Variants in SEMA3A observed in about 807,000 individuals in gnomAD.
SEMA3A encodes semaphorin 3A.
Under a neutral mutation model 97.9 loss-of-function variants are expected in SEMA3A, and 29 were observed. The ratio of observed to expected loss-of-function variants is 0.30; its 90% CI spans 0.22 to 0.40. The LOEUF is 0.40. Among genes scored for constraint, SEMA3A ranks in the 10% least tolerant of loss-of-function variants. SEMA3A has a pLI of 1.00. For synonymous variants in SEMA3A, 321 were observed against 323.7 expected, an observed-to-expected ratio of 0.99 and a Z score of 0.09; for missense variants, 763 against 951.3, an observed-to-expected ratio of 0.80 and a Z score of 2.60.
At chr7:84,393,330 T>C (rs998609161) in intron 1 of SEMA3A, among the ~76,000 whole-genome samples, 2 of 152,088 alleles carry the variant, frequency 1.3e-5, no homozygotes, top group Admixed American at 1.3e-4. Flanking sequence ...CTTGGGAACT[T>C]TGTTGAAAAT....
chr7:84,144,185 G>A (rs1019387407), intron 1 of SEMA3A, among the ~76,000 whole-genome samples: 1 of 151,780 alleles, frequency 6.6e-6, no homozygotes, highest in Non-Finnish European at 1.5e-5. Context: ...ATAAAGTGAG[G>A]TGTGTTCACA....
At chr7:84,151,236 T>C (rs1289626013) in intron 1 of SEMA3A, among the ~76,000 whole-genome samples, 1 of 152,100 alleles carries the variant, frequency 6.6e-6, no homozygotes, top group East Asian at 1.9e-4. Flanking sequence ...CTAAGCTGGA[T>C]GGAGAATGAC....
At chr7:84,418,030 G>A (rs903882927) in intron 1 of SEMA3A, among the ~76,000 whole-genome samples, 8 of 152,040 alleles carry the variant, frequency 5.3e-5, no homozygotes, top group South Asian at 2.1e-4. Context: ...ATTAGGCGTC[G>A]CCTTGACTGG....
At chr7:84,055,228 C>T (rs1188641375) in intron 5 of SEMA3A, among the ~76,000 whole-genome samples, 1 of 152,200 alleles carries the variant, frequency 6.6e-6, no homozygotes. Context: ...GTGGTGGGCT[C>T]CACCCAGTTG....
At chr7:84,024,286 T>TGTAAG (rs1791458590) in intron 6 of SEMA3A, among the ~76,000 whole-genome samples, 1 of 152,110 alleles carries the variant, frequency 6.6e-6, no homozygotes, top group Non-Finnish European at 1.5e-5. Flanking sequence ...ACGCCTGTAA[T>TGTAAG]CCCGGCACCA....
chr7:84,328,649 A>G (rs1801831750), intron 2 of SEMA3A, among the ~76,000 whole-genome samples: 2 of 152,024 alleles, frequency 1.3e-5, no homozygotes, highest in South Asian at 2.1e-4. Context: ...CAGAATGAAA[A>G]TGTCTTTTAT....
intron 6 of SEMA3A, among the ~76,000 whole-genome samples, chr7:84,015,186 T>C (rs1331785801): frequency 1.3e-5 from 2 of 152,224 alleles, no homozygotes; most frequent in Non-Finnish European, 2.9e-5. Flanking sequence ...TTTATCTATC[T>C]AATCTTCCTT....
chr7:84,037,712 G>A (rs1244533965), intron 6 of SEMA3A, among the ~76,000 whole-genome samples: 5 of 151,782 alleles, frequency 3.3e-5, no homozygotes, highest in African/African-American at 1.2e-4. Context: ...ATTACTACTA[G>A]AAACAAATTA....
chr7:84,129,032 A>AC, intron 3 of SEMA3A, 91 bp downstream of exon 3: 1 of 1,012,812 alleles, frequency 9.9e-7, no homozygotes, highest in East Asian at 2.4e-5. Context: ...CCACACACAC[A>AC]AAAAAATCAG....
intron 1 of SEMA3A, among the ~76,000 whole-genome samples, chr7:84,397,174 T>C (rs1241360948): frequency 6.6e-6 from 1 of 151,968 alleles, no homozygotes; most frequent in Non-Finnish European, 1.5e-5. Flanking sequence ...ATGCTTATGA[T>C]ATCAAATAAT....
intron 2 of SEMA3A, among the ~76,000 whole-genome samples, chr7:84,132,992 A>G (rs576430534): frequency 3.3e-5 from 5 of 152,074 alleles, no homozygotes; most frequent in Non-Finnish European, 5.9e-5. Context: ...TGCTCATTTT[A>G]TAAAGAATGG....
chr7:84,284,645 C>T (rs1477291519), intron 3 of SEMA3A, among the ~76,000 whole-genome samples: 1 of 152,122 alleles, frequency 6.6e-6, no homozygotes, highest in Non-Finnish European at 1.5e-5. Flanking sequence ...CTTTAAATAG[C>T]ATACTGAATT....
At chr7:84,112,973 G>C (rs1348468001) in intron 3 of SEMA3A, among the ~76,000 whole-genome samples, 1 of 152,170 alleles carries the variant, frequency 6.6e-6, no homozygotes, top group East Asian at 1.9e-4. Flanking sequence ...CTAAGGCCTG[G>C]AATGATTCCC....
chr7:84,330,530 G>A (rs1345081694), intron 2 of SEMA3A, among the ~76,000 whole-genome samples: 14 of 151,966 alleles, frequency 9.2e-5, no homozygotes, highest in Non-Finnish European at 1.6e-4. Context: ...TGGCAGAGAT[G>A]GTGAGGACAT....
At position 84,037,784 on chromosome 7, in the gene SEMA3A, A is replaced by G. The variant is rs114119863; in HGVS notation, c.667+8540T>C. Among the ~76,000 whole-genome samples, 618 of 152,138 alleles carry G rather than the reference A, an allele frequency of 4.1e-3. 4 individuals are homozygous for G. Among genetic ancestry groups the G allele is most frequent in the African/African-American group, 0.014 (588 of 41,522 alleles). On this transcript the variant is annotated intron_variant, in intron 6 of 16. Coordinates refer to ENST00000265362, the MANE Select transcript of SEMA3A (RefSeq NM_006080.3). Reference sequence around the variant, plus strand: ...GATTTTTAAAGTAATAATAATAACAAATATATAATGGTATACAATTTAAAA... The same window carrying G: ...GATTTTTAAAGTAATAATAATAACAGATATATAATGGTATACAATTTAAAA...
chr7:84,469,820 T>A (rs1013044801), intron 1 of SEMA3A, among the ~76,000 whole-genome samples: 5 of 152,064 alleles, frequency 3.3e-5, no homozygotes, highest in Non-Finnish European at 7.4e-5. Context: ...CTATTGTAAT[T>A]TCCAAGAGGT....
At chr7:84,263,545 A>G (rs566469756) in intron 3 of SEMA3A, among the ~76,000 whole-genome samples, 2 of 152,350 alleles carry the variant, frequency 1.3e-5, no homozygotes, top group East Asian at 3.9e-4. Context: ...GTGTTGTTGT[A>G]AAGATTAACT....
At chr7:84,318,858 G>A (rs187702261) in intron 2 of SEMA3A, among the ~76,000 whole-genome samples, 1 of 152,206 alleles carries the variant, frequency 6.6e-6, no homozygotes, top group African/African-American at 2.4e-5. Flanking sequence ...ATGATATAAA[G>A]TCACCAGATA....
At chr7:84,127,028 T>G (rs78565921) in intron 3 of SEMA3A, among the ~76,000 whole-genome samples, 1 of 152,040 alleles carries the variant, frequency 6.6e-6, no homozygotes, top group Non-Finnish European at 1.5e-5. Flanking sequence ...TTTTTTTTTT[T>G]GATCCACTGT....
Sources: allele counts gnomAD v4.1 joint callset (sites outside exome capture counted in the v4.1 genomes callset), GRCh38; gene constraint gnomAD v4.1.1; transcripts MANE v1.5; gene names NCBI Gene and HGNC (gene_info 2026-07-23, HGNC 2026-07-21).